The following VAV2 variants were observed in gnomAD, a reference collection of about 807,000 sequenced individuals.
VAV2 encodes guanine nucleotide exchange factor VAV2.
Under a neutral mutation model 132.5 loss-of-function variants are expected in VAV2, and 67 were observed. The observed-to-expected ratio is 0.51, with a 90% CI of 0.42 to 0.62. VAV2 has a LOEUF of 0.62. VAV2 is among the 20% of genes least tolerant of loss of function. The pLI is 0.00. For synonymous variants in VAV2, 492 were observed against 443.5 expected, an observed-to-expected ratio of 1.11 and a Z score of -1.37; for missense variants, 938 against 1,153.6, an observed-to-expected ratio of 0.81 and a Z score of 2.71.
Position 133,840,135 on chromosome 9 carries a change from T to G in VAV2, c.381-5795A>C, listed in dbSNP as rs1431787685. Among the ~76,000 whole-genome samples the G allele has an allele frequency of 6.6e-6, 1 of 152,196 alleles. No individual in the cohort carries two copies. The highest frequency in any genetic ancestry group is 2.4e-5 in the African/African-American group (1 of 41,452). Reference sequence around the variant, plus strand: ...AGCAGAGAAGGCCAACCACAGCCTATCCAGAAGTTGTCCTGAGAGCAGTCA... The same window carrying G: ...AGCAGAGAAGGCCAACCACAGCCTAGCCAGAAGTTGTCCTGAGAGCAGTCA... On this transcript the variant is annotated intron_variant, in intron 3 of 29. Coordinates refer to ENST00000371850, the MANE Select transcript of VAV2 (RefSeq NM_001134398.2). This position sits in a 1 kb window ranked among gnomAD's most constrained non-coding sequence, Gnocchi z 4.5.
chr9:133,872,492 G>T (rs1838096198), intron 2 of VAV2, among the ~76,000 whole-genome samples: 1 of 152,262 alleles, frequency 6.6e-6, no homozygotes, highest in Non-Finnish European at 1.5e-5. Context: ...AGCATGTGGG[G>T]GCACAGCCTC....
At chr9:133,907,234 A>C (rs115171998) in intron 2 of VAV2, among the ~76,000 whole-genome samples, 9,111 of 152,164 alleles carry the variant, frequency 0.06, 811 homozygotes, top group African/African-American at 0.2. Context: ...CTCGCTCCCT[A>C]CAGACCATCG....
At chr9:133,982,272 GCC>G (rs1842719795) in intron 1 of VAV2, among the ~76,000 whole-genome samples, 2 of 152,220 alleles carry the variant, frequency 1.3e-5, no homozygotes. Flanking sequence ...GCGACGGCCG[GCC>G]GGCAGGAGGG....
chr9:133,921,560 TGCCTCTCCCTGC>T, intron 2 of VAV2, among the ~76,000 whole-genome samples: 1 of 152,284 alleles, frequency 6.6e-6, no homozygotes, highest in East Asian at 1.9e-4. Context: ...CCTCTCCCTG[TGCCTCTCCCTGC>T]AGGCTGGGGA....
At chr9:133,764,517 T>G (rs1833371890) in intron 29 of VAV2, among the ~76,000 whole-genome samples, 1 of 152,128 alleles carries the variant, frequency 6.6e-6, no homozygotes, top group African/African-American at 2.4e-5. Context: ...GATTAATAAC[T>G]CTAATTCATA....
rs974525642 is a variant in VAV2 at position 133,919,909 on chromosome 9, G to A, written c.321+19194C>T. 7.2e-5 allele frequency among the ~76,000 whole-genome samples: 11 copies of A among 152,088 alleles called. No individual in the cohort carries two copies. The highest frequency in any genetic ancestry group is 3.3e-4 in the Admixed American group (5 of 15,276). On this transcript the variant is annotated intron_variant, in intron 2 of 29. Transcript: ENST00000371850. This position sits in a 1 kb window ranked among gnomAD's most constrained non-coding sequence, Gnocchi z 5.8. The stretch of plus-strand genomic sequence containing the variant: ...GAGTCAGTTCTGCTGGACATACAGC[G>A]GCGGACCCAAGGCTGCTTTCCACGT...
In VAV2 at chr9:133,832,924, G is replaced by A. The variant is rs185908164; in HGVS notation, c.449+1348C>T. Among the ~76,000 whole-genome samples the A allele has an allele frequency of 2.0e-4, 30 of 152,130 alleles. No homozygotes were observed. The East Asian group carries it at 4.3e-3, about 22-fold the overall frequency. On this transcript the variant is annotated intron_variant, in intron 4 of 29. Coordinates refer to ENST00000371850, the MANE Select transcript of VAV2 (RefSeq NM_001134398.2). ...GGTGGACAGTGGCCTCCAGGTGGGC[G>A]CCCCAGGCCTGGCTGTGACCTGCAT...
rs1046578493 is a variant in VAV2, at chr9:133,823,045, G to A, written c.450-10829C>T. Among the ~76,000 whole-genome samples the A allele has an allele frequency of 1.3e-5, 2 of 152,348 alleles. No homozygotes were observed. The highest frequency in any genetic ancestry group is 3.9e-4 in the East Asian group (2 of 5,186). On this transcript the variant is annotated intron_variant, in intron 4 of 29. Coordinates refer to ENST00000371850, the MANE Select transcript of VAV2 (RefSeq NM_001134398.2). This position sits in a 1 kb window ranked among gnomAD's most constrained non-coding sequence, Gnocchi z 5.5. ...CCCAGGGCCTGGCTCTCAGGGGACA[G>A]GAGCAGGGATTGTCGAACAGCGTAT...
At chr9:133,848,304 A>AAAAAAAAAAAAAAC (rs1837028166) in intron 3 of VAV2, among the ~76,000 whole-genome samples, 4 of 147,658 alleles carry the variant, frequency 2.7e-5, no homozygotes, top group Non-Finnish European at 4.5e-5. Context: ...AAAAAAAAAA[A>AAAAAAAAAAAAAAC]TCCAAAGCAA....
chr9:133,967,600 G>T (rs1474426860), intron 1 of VAV2, among the ~76,000 whole-genome samples: 2 of 152,106 alleles, frequency 1.3e-5, no homozygotes, highest in Non-Finnish European at 2.9e-5. Flanking sequence ...TGGAACTAGA[G>T]GTCATTGTTA....
intron 2 of VAV2, among the ~76,000 whole-genome samples, chr9:133,908,901 T>C (rs553151470): frequency 5.8e-4 from 89 of 152,334 alleles, no homozygotes; most frequent in South Asian, 1.4e-3. Context: ...GGCAAGGCCA[T>C]TGTGGGCCCA....
chr9:133,939,194 G>A lies in VAV2; in HGVS notation c.230C>T (p.Thr77Ile). Residue 77 changes from threonine to isoleucine, a missense_variant, in exon 2 of 30, where the codon ACC becomes ATC. By Grantham distance (89) the Thr-to-Ile change is moderately conservative (BLOSUM62 -1). Transcript: ENST00000371850. ...SQFLCLKNIR[T>I]FLKVCHDKFG... The stretch of plus-strand genomic sequence containing the variant: ...TTTATCGTGGCAGACTTTCAGGAAG[G>A]TGCGTATGTTCTTCAAACACAGAAA... The A allele has an allele frequency of 3.7e-6, 6 of 1,614,256 alleles. No homozygotes were observed. Among genetic ancestry groups the A allele is most frequent in the Non-Finnish European group, 4.2e-6 (5 of 1,180,044 alleles).
intron 2 of VAV2, among the ~76,000 whole-genome samples, chr9:133,905,888 A>C (rs1588347441): frequency 6.6e-6 from 1 of 151,956 alleles, no homozygotes; most frequent in Non-Finnish European, 1.5e-5. Context: ...AAAAATACAG[A>C]AATTAGCCGG....
chr9:133,852,300 G>A (rs1355660641), intron 3 of VAV2, among the ~76,000 whole-genome samples: 1 of 151,916 alleles, frequency 6.6e-6, no homozygotes, highest in Admixed American at 6.6e-5. Context: ...ACAGGCAGAT[G>A]GGTAGATATA....
chr9:133,765,822 C>T (rs1833410994), intron 29 of VAV2, among the ~76,000 whole-genome samples: 1 of 151,754 alleles, frequency 6.6e-6, no homozygotes, highest in Admixed American at 6.6e-5. Context: ...AATAGACAAA[C>T]ACACACACAC....
intron 2 of VAV2, among the ~76,000 whole-genome samples, chr9:133,893,176 C>T (rs1037327239): frequency 6.6e-6 from 1 of 152,208 alleles, no homozygotes; most frequent in Admixed American, 6.5e-5. Context: ...CCTCTTGCCA[C>T]CCTCCCAAAT....
intron 1 of VAV2, 129 bp from the exon 2 acceptor site, chr9:133,939,348 T>A: frequency 1.2e-6 from 1 of 852,746 alleles, no homozygotes; most frequent in Non-Finnish European, 2.0e-6. Context: ...ATTCCTGTTT[T>A]CTCAAGGAGG....
chr9:133,953,691 G>T (rs1163893063), intron 1 of VAV2, among the ~76,000 whole-genome samples: 1 of 152,128 alleles, frequency 6.6e-6, no homozygotes, highest in Non-Finnish European at 1.5e-5. Flanking sequence ...GGGACAGGGG[G>T]CTCAGGCACA....
intron 1 of VAV2, among the ~76,000 whole-genome samples, chr9:133,962,695 C>T (rs1397210856): frequency 6.6e-6 from 1 of 152,200 alleles, no homozygotes; most frequent in East Asian, 1.9e-4. Context: ...ATAATTTCAT[C>T]AACATTAAGG....
Sources: gnomAD v4.1 joint callset for allele counts (sites outside exome capture counted in the v4.1 genomes callset) on GRCh38, gnomAD v4.1.1 for gene constraint, Gnocchi (gnomAD v3.1) non-coding constraint, MANE v1.5 for transcripts, NCBI Gene and HGNC (gene_info 2026-07-23, HGNC 2026-07-21) for gene names.